The following FABP12 variants were observed in gnomAD, a reference collection of about 807,000 sequenced individuals.
FABP12 encodes the protein fatty acid-binding protein 12.
Under a neutral mutation model 13.7 loss-of-function variants are expected in FABP12, and 19 were observed. The observed-to-expected ratio is 1.39, with a 90% CI of 0.97 to 2.04. The LOEUF (loss-of-function observed/expected upper bound fraction) is 2.04, where lower values mean the gene tolerates loss of function less well. Ranked by LOEUF, FABP12 falls within the 30% of genes most tolerant of loss-of-function variation. The probability of loss-of-function intolerance (pLI) is 0.00; values close to 1 mark genes in which losing one functional copy is unlikely to be tolerated. For missense variants in FABP12, 182 were observed against 164.2 expected (o/e 1.11, Z -0.59); for synonymous variants, 61 against 57.0 (o/e 1.07, Z -0.32).
chr8:81,589,297 C>G (rs1403753523), intron 1 of FABP12, among the ~76,000 whole-genome samples: 1 of 152,158 alleles, frequency 6.6e-6, no homozygotes, highest in African/African-American at 2.4e-5. Flanking sequence ...TCATTCATGC[C>G]TATAATCTCA....
intron 1 of FABP12, among the ~76,000 whole-genome samples, chr8:81,584,294 T>C (rs1220447371): frequency 1.3e-5 from 2 of 152,136 alleles, no homozygotes; most frequent in Non-Finnish European, 2.9e-5. Flanking sequence ...GATGCACCTG[T>C]GGTGATTGCA....
intron 1 of FABP12, among the ~76,000 whole-genome samples, chr8:81,567,529 C>T (rs922403053): frequency 3.9e-5 from 6 of 152,136 alleles, no homozygotes; most frequent in Non-Finnish European, 7.3e-5. Flanking sequence ...TCCTATTTGA[C>T]AAAGGTGCCA....
upstream of FABP12, among the ~76,000 whole-genome samples, chr8:81,534,710 A>C (rs926313739): frequency 1.3e-5 from 2 of 152,198 alleles, no homozygotes; most frequent in African/African-American, 2.4e-5. Flanking sequence ...TGAGAGCCCA[A>C]GGTGGGAGGA....
chr8:81,569,031 A>C (rs1809878270), intron 1 of FABP12, among the ~76,000 whole-genome samples: 1 of 152,184 alleles, frequency 6.6e-6, no homozygotes, highest in Non-Finnish European at 1.5e-5. Context: ...AGATAGAATG[A>C]ATAAGATCTA....
At chr8:81,564,573 TTCTC>T (rs1173152728) in intron 1 of FABP12, among the ~76,000 whole-genome samples, 1 of 152,124 alleles carries the variant, frequency 6.6e-6, no homozygotes, top group Non-Finnish European at 1.5e-5. Flanking sequence ...TGTATCAGTT[TTCTC>T]TCTGTCAGTT....
chr8:81,534,306 A>G (rs184414369), upstream of FABP12, among the ~76,000 whole-genome samples: 21 of 152,296 alleles, frequency 1.4e-4, no homozygotes, highest in African/African-American at 4.8e-4. Flanking sequence ...CATGCCATCC[A>G]GTATATGGGC....
intron 1 of FABP12, among the ~76,000 whole-genome samples, chr8:81,550,988 G>T (rs540120973): frequency 1.6e-4 from 24 of 152,242 alleles, no homozygotes; most frequent in Admixed American, 8.5e-4. Context: ...TTCAGAGTGG[G>T]TAAATAGTAT....
chr8:81,525,852 A>G (rs1051996091), intron 4 of FABP12: 2 of 152,200 alleles, frequency 1.3e-5, no homozygotes, highest in East Asian at 3.9e-4. Flanking sequence ...GGGCACTAAT[A>G]TACACATGAT....
At position 81,525,187 on chromosome 8, in the gene FABP12, A is replaced by G. The variant is rs927473877; in HGVS notation, c.349-67T>C. On this transcript the variant is annotated intron_variant, in intron 4 of 4. Coordinates refer to ENST00000360464, the Ensembl canonical transcript of FABP12. ...TGAAATTAACATTTAGAAAAGTGCA[A>G]ACTAAGTACTATCCACACATACATT... The G allele has an allele frequency of 1.1e-5, 11 of 1,024,808 alleles. No individual in the cohort carries two copies. The East Asian group carries it at 2.3e-4, about 22-fold the overall frequency. 63.5% of individuals were successfully genotyped at this position (1,024,808 alleles called of 1,614,324 possible). A position where few individuals can be genotyped will look rare whatever the true frequency, so the allele number is the denominator to read the frequency against.
At chr8:81,560,474 T>C (rs1023076975) in intron 1 of FABP12, among the ~76,000 whole-genome samples, 2 of 152,250 alleles carry the variant, frequency 1.3e-5, no homozygotes, top group African/African-American at 2.4e-5. Context: ...CAAATAGCCT[T>C]GTTTTATTGG....
intron 2 of FABP12, among the ~76,000 whole-genome samples, chr8:81,539,433 CTTTTTTTTTTTT>C (rs35386904): frequency 6.0e-5 from 3 of 50,018 alleles, no homozygotes; most frequent in African/African-American, 1.6e-4. Flanking sequence ...TTCTTTAGTT[CTTTTTTTTTTTT>C]TTTTTTTTTT....
At chr8:81,547,961 A>G (rs1809462628) in intron 1 of FABP12, among the ~76,000 whole-genome samples, 1 of 152,340 alleles carries the variant, frequency 6.6e-6, no homozygotes, top group African/African-American at 2.4e-5. Flanking sequence ...AAAGAAAATG[A>G]TCAAATATTT....
At chr8:81,530,616 G>T (rs1262801796) in intron 2 of FABP12, among the ~76,000 whole-genome samples, 3 of 152,170 alleles carry the variant, frequency 2.0e-5, no homozygotes, top group Admixed American at 1.3e-4. Context: ...ATTGGATAAT[G>T]GTTCCTAAAG....
intron 1 of FABP12, among the ~76,000 whole-genome samples, chr8:81,552,416 C>G (rs140051560): frequency 4.6e-5 from 7 of 152,080 alleles, no homozygotes; most frequent in Non-Finnish European, 1.0e-4. Context: ...AAATGGTACC[C>G]TAGGGTGTTG....
chr8:81,572,322 T>A (rs1809947529), intron 1 of FABP12, among the ~76,000 whole-genome samples: 1 of 152,254 alleles, frequency 6.6e-6, no homozygotes, highest in Non-Finnish European at 1.5e-5. Context: ...TTCCATCATA[T>A]AAATATGCCA....
intron 3 of FABP12, among the ~76,000 whole-genome samples, chr8:81,527,999 A>C (rs568560163): frequency 6.6e-6 from 1 of 151,878 alleles, no homozygotes; most frequent in South Asian, 2.1e-4. Flanking sequence ...ACTAATTCAA[A>C]CTCCCATTAT....
chr8:81,570,827 G>T (rs1809916601), intron 1 of FABP12, among the ~76,000 whole-genome samples: 1 of 152,104 alleles, frequency 6.6e-6, no homozygotes, highest in Non-Finnish European at 1.5e-5. Context: ...GTTTATGAGT[G>T]GCCATGAGTG....
At position 81,576,516 on chromosome 8, in the gene FABP12, CACAA is replaced by C. The variant is rs3044757; in HGVS notation, c.-185+13533_-185+13536del. Among the ~76,000 whole-genome samples the C allele has an allele frequency of 6.4e-3, 973 of 152,118 alleles. 14 individuals carry two copies. The highest frequency in any genetic ancestry group is 0.022 in the African/African-American group (924 of 41,488). Reference sequence around the variant, plus strand: ...TAACACAAACACACACACACAAACACACAAACACACACACACACATTATACTATA... The same window carrying C: ...TAACACAAACACACACACACAAACACACACACACACACACATTATACTATA... On this transcript the variant is annotated intron_variant, in intron 1 of 5. Transcript: ENST00000692030.
In FABP12 at chr8:81,525,140, T is replaced by C. The variant is rs374412876; in HGVS notation, c.349-20A>G. On this transcript the variant is annotated intron_variant, in intron 4 of 4. Transcript: ENST00000360464. ...ACTTTCCTACAAGACAAAAGAAATA[T>C]GAGGTATTTCAGTATAGTTAGTGAA... 6.8e-7 allele frequency: 1 copy of C among 1,465,296 alleles called. No individual in the cohort carries two copies. Among genetic ancestry groups the C allele is most frequent in the Admixed American group, 1.9e-5 (1 of 53,102 alleles). The allele number at this position is 1,465,296 out of a possible 1,614,324, so 90.8% of individuals were successfully genotyped here.
Sources: allele counts gnomAD v4.1 joint callset (sites outside exome capture counted in the v4.1 genomes callset), GRCh38; gene constraint gnomAD v4.1.1; transcripts MANE v1.5; gene names NCBI Gene and HGNC (gene_info 2026-07-23, HGNC 2026-07-21).